The following CSMD3 variants were observed in gnomAD, a reference collection of about 807,000 sequenced individuals.
CSMD3 encodes the protein CUB and Sushi multiple domains 3, also known as CUB and sushi domain-containing protein 3.
In CSMD3, 177 loss-of-function variants were observed where a neutral mutation model predicts 435.2. The observed-to-expected ratio is 0.41, with a 90% CI of 0.36 to 0.46. CSMD3 has a LOEUF of 0.46. Ranked by LOEUF, CSMD3 falls within the 20% of genes least tolerant of loss-of-function variation. CSMD3 has a pLI of 0.34. For missense variants in CSMD3, 4,265 were observed against 4,504.6 expected, an observed-to-expected ratio of 0.95 and a Z score of 1.52; for synonymous variants, 1,656 against 1,520.5, an observed-to-expected ratio of 1.09 and a Z score of -2.07.
chr8:112,894,882 G>C (rs532093745), intron 10 of CSMD3, among the ~76,000 whole-genome samples: 256 of 151,234 alleles, frequency 1.7e-3, no homozygotes, highest in Non-Finnish European at 2.8e-3. Context: ...ATATCACATT[G>C]ATAGTATTTA....
chr8:113,326,793 T>C (rs552829424), intron 1 of CSMD3, among the ~76,000 whole-genome samples: 2 of 152,306 alleles, frequency 1.3e-5, no homozygotes, highest in South Asian at 2.1e-4. Flanking sequence ...GTTAATTTTA[T>C]AAAGTTTATA....
In CSMD3 at chr8:113,019,072, T is replaced by C. The variant is rs747711239; in HGVS notation, c.1025A>G (p.Tyr342Cys). ...AAGGTATTCCATAAGTATACCTTGA[T>C]AGGGAGCACTAAATCCACGGTATCG... is the stretch of plus-strand genomic sequence containing the variant. The part of the protein sequence containing the change: ...NHRYRGFSAP[Y>C]QGSSTLTHTT... The change falls in exon 6 of 71, where the codon TAT becomes TGT. Residue 342 changes from tyrosine to cysteine, a missense_variant. Around this residue, in one of 3 missense-constraint regions of CSMD3, gnomAD observed 731 missense variants for 755.4 expected, o/e 0.97. Transcript: ENST00000297405. 1 of 1,595,640 alleles carries C rather than the reference T, an allele frequency of 6.3e-7. No individual in the cohort carries two copies. Among genetic ancestry groups the C allele is most frequent in the Non-Finnish European group, 8.6e-7 (1 of 1,163,190 alleles).
chr8:112,707,578 G>T (rs997388543), intron 13 of CSMD3, among the ~76,000 whole-genome samples: 2 of 151,968 alleles, frequency 1.3e-5, no homozygotes, highest in Non-Finnish European at 2.9e-5. Flanking sequence ...TTGGTGATGG[G>T]TATAAAAACA....
chr8:112,602,923 G>A (rs1163324280), intron 22 of CSMD3, among the ~76,000 whole-genome samples: 1 of 152,134 alleles, frequency 6.6e-6, no homozygotes, highest in Non-Finnish European at 1.5e-5. Flanking sequence ...GGGTAGTGGG[G>A]TGGGGAGAGA....
At chr8:112,400,318 T>C (rs1831210422) in intron 35 of CSMD3, among the ~76,000 whole-genome samples, 1 of 152,146 alleles carries the variant, frequency 6.6e-6, no homozygotes. Context: ...GTGTTGCTTT[T>C]ATGAGGACAC....
At chr8:112,827,891 T>G (rs1017831825) in intron 12 of CSMD3, among the ~76,000 whole-genome samples, 16 of 152,168 alleles carry the variant, frequency 1.1e-4, no homozygotes, top group Non-Finnish European at 2.2e-4. Flanking sequence ...GCCACATGAC[T>G]ATGAAGATCT....
At chr8:112,834,190 C>T (rs1337649264) in intron 11 of CSMD3, among the ~76,000 whole-genome samples, 1 of 151,860 alleles carries the variant, frequency 6.6e-6, no homozygotes, top group Non-Finnish European at 1.5e-5. Flanking sequence ...ACTAACTAAT[C>T]CATATACTTT....
intron 10 of CSMD3, among the ~76,000 whole-genome samples, chr8:112,909,481 A>G (rs2082348857): frequency 6.6e-6 from 1 of 151,828 alleles, no homozygotes; most frequent in South Asian, 2.1e-4. Flanking sequence ...TTATCAGTAG[A>G]TAATAACATA....
chr8:112,823,259 G>T (rs1175997596), intron 12 of CSMD3, among the ~76,000 whole-genome samples: 1 of 152,112 alleles, frequency 6.6e-6, no homozygotes, highest in Non-Finnish European at 1.5e-5. Flanking sequence ...GAATCCATCT[G>T]GTCCTGGGCT....
intron 38 of CSMD3, among the ~76,000 whole-genome samples, chr8:112,370,215 C>T (rs1828258848): frequency 1.3e-5 from 2 of 152,006 alleles, no homozygotes; most frequent in South Asian, 4.1e-4. Context: ...TTCACTTTTC[C>T]AGCAAATATT....
At chr8:113,357,694 G>A (rs1038905617) in intron 1 of CSMD3, among the ~76,000 whole-genome samples, 1 of 152,064 alleles carries the variant, frequency 6.6e-6, no homozygotes, top group African/African-American at 2.4e-5. Flanking sequence ...ATTACAATTG[G>A]GGGAGGGACC....
intron 1 of CSMD3, among the ~76,000 whole-genome samples, chr8:113,371,602 T>C (rs1470413254): frequency 6.6e-6 from 1 of 152,214 alleles, no homozygotes; most frequent in Non-Finnish European, 1.5e-5. Flanking sequence ...TGACAGTGTT[T>C]ATAATCTTAA....
chr8:113,375,737 A>G (rs2094378204), intron 1 of CSMD3, among the ~76,000 whole-genome samples: 1 of 152,154 alleles, frequency 6.6e-6, no homozygotes, highest in South Asian at 2.1e-4. Flanking sequence ...CCAACATAAA[A>G]TCGGAGTAGC....
intron 3 of CSMD3, among the ~76,000 whole-genome samples, chr8:113,277,889 C>A (rs1448990686): frequency 6.7e-6 from 1 of 149,910 alleles, no homozygotes; most frequent in East Asian, 1.9e-4. Context: ...TTTTAAAAAG[C>A]AAAACATGTA....
intron 2 of CSMD3, among the ~76,000 whole-genome samples, chr8:113,308,836 T>C (rs1381175913): frequency 1.3e-5 from 2 of 152,238 alleles, no homozygotes; most frequent in African/African-American, 2.4e-5. Context: ...AAAGTTTATA[T>C]ATGCATCTGG....
At chr8:113,071,584 G>C (rs1013586007) in intron 5 of CSMD3, among the ~76,000 whole-genome samples, 1 of 151,714 alleles carries the variant, frequency 6.6e-6, no homozygotes, top group East Asian at 1.9e-4. Flanking sequence ...TTTCCCCATT[G>C]TGTGTTCTTG....
intron 3 of CSMD3, among the ~76,000 whole-genome samples, chr8:113,215,547 A>C (rs2092894072): frequency 6.6e-6 from 1 of 151,930 alleles, no homozygotes; most frequent in Non-Finnish European, 1.5e-5. Context: ...AAGGTAAAAT[A>C]ATTTCAGACA....
intron 21 of CSMD3, among the ~76,000 whole-genome samples, chr8:112,638,183 TATTTATTA>T (rs1038278570): frequency 1.6e-5 from 2 of 124,194 alleles, no homozygotes; most frequent in Non-Finnish European, 3.4e-5. Context: ...AATAAATTAC[TATTTATTA>T]ATTATATATA....
intron 4 of CSMD3, among the ~76,000 whole-genome samples, chr8:113,136,330 T>A (rs145389240): frequency 1.3e-5 from 2 of 151,904 alleles, no homozygotes; most frequent in African/African-American, 4.8e-5. Context: ...TGAAGAGAAT[T>A]TTTAGCTACT....
Sources: gnomAD v4.1 joint callset for allele counts (sites outside exome capture counted in the v4.1 genomes callset) on GRCh38, gnomAD v4.1.1 for gene constraint, gnomAD v4.1.1 regional missense constraint, MANE v1.5 for transcripts, NCBI Gene and HGNC (gene_info 2026-07-23, HGNC 2026-07-21) for gene names.